The following GBE1 variants were observed in gnomAD, a reference collection of about 807,000 sequenced individuals.
The protein encoded by GBE1 is 1,4-alpha-glucan-branching enzyme.
In GBE1, 70 loss-of-function variants were observed where a neutral mutation model predicts 88.8. That is an observed-to-expected ratio of 0.79 (90% CI 0.65 to 0.96). The LOEUF is 0.96. GBE1 is among the 40% of genes least tolerant of loss of function. GBE1 has a pLI of 0.00. For missense variants in GBE1, 872 were observed against 871.0 expected, an observed-to-expected ratio of 1.00 and a Z score of -0.01; for synonymous variants, 284 against 300.1, an observed-to-expected ratio of 0.95 and a Z score of 0.56.
chr3:81,747,199 A>T (rs1273214019), intron 1 of GBE1, among the ~76,000 whole-genome samples: 1 of 152,224 alleles, frequency 6.6e-6, no homozygotes, highest in East Asian at 1.9e-4. Context: ...TAGATATGGC[A>T]ACAAAAGCAT....
intron 2 of GBE1, among the ~76,000 whole-genome samples, chr3:81,678,002 TAAATC>T (rs1030190221): frequency 6.6e-6 from 1 of 152,138 alleles, no homozygotes; most frequent in African/African-American, 2.4e-5. Flanking sequence ...AATTAGAAAA[TAAATC>T]AAATACAGTC....
At chr3:81,619,007 C>A (rs1203669507) in intron 7 of GBE1, among the ~76,000 whole-genome samples, 1 of 151,936 alleles carries the variant, frequency 6.6e-6, no homozygotes. Context: ...TAAATTATAT[C>A]AAAATAATGC....
chr3:81,607,135 T>C (rs1457780886), intron 7 of GBE1, among the ~76,000 whole-genome samples: 1 of 152,236 alleles, frequency 6.6e-6, no homozygotes, highest in Non-Finnish European at 1.5e-5. Context: ...CACAAAATGA[T>C]TTAAAATTCA....
intron 10 of GBE1, among the ~76,000 whole-genome samples, chr3:81,582,572 T>C (rs747206017): frequency 2.0e-5 from 3 of 152,070 alleles, no homozygotes; most frequent in Non-Finnish European, 4.4e-5. Flanking sequence ...AGGAAACTAA[T>C]GTATAGACCT....
chr3:81,511,789 A>T (rs1702728498), intron 14 of GBE1, among the ~76,000 whole-genome samples: 1 of 151,790 alleles, frequency 6.6e-6, no homozygotes, highest in African/African-American at 2.4e-5. Context: ...GTCTCAAATA[A>T]CTGAAAACAG....
At chr3:81,718,836 C>T (rs1210611487) in intron 1 of GBE1, among the ~76,000 whole-genome samples, 3 of 151,756 alleles carry the variant, frequency 2.0e-5, no homozygotes, top group African/African-American at 7.3e-5. Context: ...GATTTCTCCA[C>T]GTTGGTCAGG....
At chr3:81,620,196 T>C (rs919351307) in intron 7 of GBE1, among the ~76,000 whole-genome samples, 8 of 151,764 alleles carry the variant, frequency 5.3e-5, no homozygotes, top group Non-Finnish European at 1.0e-4. Flanking sequence ...TTTTTTTTTT[T>C]TTTTGAGATG....
At chr3:81,663,169 T>C (rs1464042708) in intron 3 of GBE1, among the ~76,000 whole-genome samples, 4 of 152,106 alleles carry the variant, frequency 2.6e-5, no homozygotes, top group Non-Finnish European at 5.9e-5. Flanking sequence ...TCCACTCTCA[T>C]GGACCTAGGT....
chr3:81,573,773 CTCTGTG>C (rs1285909778), intron 12 of GBE1, among the ~76,000 whole-genome samples: 4 of 117,202 alleles, frequency 3.4e-5, no homozygotes, highest in Non-Finnish European at 7.3e-5. Context: ...CTCTCTCTCT[CTCTGTG>C]TGTGTGTGTG....
At chr3:81,626,997 T>C (rs1704426928) in intron 7 of GBE1, among the ~76,000 whole-genome samples, 1 of 152,208 alleles carries the variant, frequency 6.6e-6, no homozygotes, top group Admixed American at 6.5e-5. Flanking sequence ...CCTTGGTGGA[T>C]TATTTCCCAC....
chr3:81,668,631 T>C (rs1459654180), intron 3 of GBE1, among the ~76,000 whole-genome samples: 4 of 152,216 alleles, frequency 2.6e-5, no homozygotes, highest in Admixed American at 1.3e-4. Flanking sequence ...TATCTTTTAA[T>C]AGATGATGCT....
intron 3 of GBE1, among the ~76,000 whole-genome samples, chr3:81,663,118 G>A (rs959207669): frequency 6.6e-6 from 1 of 152,176 alleles, no homozygotes; most frequent in African/African-American, 2.4e-5. Context: ...GAAGAGGGAA[G>A]GGAAGTGCTG....
chr3:81,528,236 A>AG (rs1279360349), intron 14 of GBE1, among the ~76,000 whole-genome samples: 1 of 37,652 alleles, frequency 2.7e-5, no homozygotes, highest in African/African-American at 1.1e-4. Context: ...AGGAGGGGGG[A>AG]GGGGGGAGGG....
intron 7 of GBE1, among the ~76,000 whole-genome samples, chr3:81,605,263 ATTAAT>A (rs1200985566): frequency 6.6e-6 from 1 of 152,204 alleles, no homozygotes; most frequent in Non-Finnish European, 1.5e-5. Flanking sequence ...TTCTGCAATG[ATTAAT>A]TTAACAATCT....
intron 1 of GBE1, among the ~76,000 whole-genome samples, chr3:81,748,323 T>C (rs1431541773): frequency 2.0e-5 from 3 of 152,012 alleles, no homozygotes; most frequent in Non-Finnish European, 4.4e-5. Flanking sequence ...ACATAAAAAA[T>C]AGTGAAGGCC....
At chr3:81,684,087 C>T (rs567051912) in intron 2 of GBE1, among the ~76,000 whole-genome samples, 47 of 152,076 alleles carry the variant, frequency 3.1e-4, no homozygotes, top group Non-Finnish European at 6.5e-4. Flanking sequence ...CTCAAATGTC[C>T]TATAAAGTAT....
chr3:81,760,179 G>A (rs1017456837), intron 1 of GBE1, among the ~76,000 whole-genome samples: 3 of 152,200 alleles, frequency 2.0e-5, no homozygotes, highest in African/African-American at 7.2e-5. Context: ...GACAGCTCAA[G>A]GTGATTATTT....
At chr3:81,694,223 A>C (rs375039115) in intron 2 of GBE1, among the ~76,000 whole-genome samples, 1 of 152,080 alleles carries the variant, frequency 6.6e-6, no homozygotes, top group African/African-American at 2.4e-5. Flanking sequence ...AAGAAACTGA[A>C]AGAGAGAAGG....
chr3:81,493,429 C>T (rs1702462272), intron 15 of GBE1, among the ~76,000 whole-genome samples: 1 of 151,920 alleles, frequency 6.6e-6, no homozygotes, highest in South Asian at 2.1e-4. Flanking sequence ...CTCATTATTT[C>T]ATTAATGAAA....
Sources: allele counts gnomAD v4.1 joint callset (sites outside exome capture counted in the v4.1 genomes callset), GRCh38; gene constraint gnomAD v4.1.1; transcripts MANE v1.5; gene names NCBI Gene and HGNC (gene_info 2026-07-23, HGNC 2026-07-21).